The following TBC1D5 variants were observed in gnomAD, a reference collection of about 807,000 sequenced individuals.
TBC1D5 encodes TBC1 domain family, member 5.
A neutral mutation model predicts 100.3 loss-of-function variants in TBC1D5; 75 were observed. That is an observed-to-expected ratio of 0.75 (90% CI 0.62 to 0.91). The LOEUF (loss-of-function observed/expected upper bound fraction) is 0.91. Among genes scored for constraint, TBC1D5 ranks in the 40% least tolerant of loss-of-function variants. The probability of loss-of-function intolerance (pLI) is 0.00; values close to 1 mark genes in which losing one functional copy is unlikely to be tolerated. For missense variants in TBC1D5, 910 were observed against 942.4 expected, an observed-to-expected ratio of 0.97 and a Z score of 0.45; for synonymous variants, 323 against 325.6, an observed-to-expected ratio of 0.99 and a Z score of 0.09.
intron 13 of TBC1D5, 118 bp from the exon 14 acceptor site, chr3:17,308,252 C>A: frequency 1.1e-6 from 1 of 940,548 alleles, no homozygotes; most frequent in Non-Finnish European, 1.5e-6. Flanking sequence ...TATTATATAT[C>A]AAAAATATAA....
intron 1 of TBC1D5, among the ~76,000 whole-genome samples, chr3:17,734,913 T>C (rs1055847877): frequency 1.4e-5 from 2 of 142,086 alleles, no homozygotes; most frequent in African/African-American, 2.6e-5. Context: ...TAGAGAGACA[T>C]GGTCTCTACG....
At chr3:17,233,641 G>T in intron 17 of TBC1D5, 44 bp downstream of exon 18, 2 of 1,189,608 alleles carry the variant, frequency 1.7e-6, no homozygotes, top group Non-Finnish European at 2.4e-6. Flanking sequence ...TGATAATACT[G>T]TAGGCAAAGA....
At position 17,722,857 on chromosome 3, in the gene TBC1D5, G is replaced by A. The variant is rs146268805; in HGVS notation, c.-101+16486C>T. 1.6e-3 allele frequency among the ~76,000 whole-genome samples: 244 copies of A among 152,194 alleles called. 3 individuals carry two copies. Among genetic ancestry groups the A allele is most frequent in the African/African-American group, 5.5e-3 (227 of 41,502 alleles). The stretch of plus-strand genomic sequence containing the variant: ...CTCCCTTACACAAACCTTGTTCATG[G>A]ATGAAAAACACATCTCCCACTATTT... On this transcript the variant is annotated intron_variant, in intron 1 of 21. Transcript: ENST00000253692.
At chr3:17,423,523 T>C (rs2094266726) in intron 4 of TBC1D5, among the ~76,000 whole-genome samples, 1 of 152,174 alleles carries the variant, frequency 6.6e-6, no homozygotes, top group Non-Finnish European at 1.5e-5. Flanking sequence ...TTATTGGCTA[T>C]GACTTCTAAC....
intron 2 of TBC1D5, among the ~76,000 whole-genome samples, chr3:17,611,235 CAA>C (rs2153618891): frequency 1.3e-5 from 2 of 152,146 alleles, no homozygotes; most frequent in African/African-American, 4.8e-5. Flanking sequence ...TTTGACATCT[CAA>C]AGTGAAAATG....
At chr3:17,458,103 GTCT>G (rs1281260639) in intron 3 of TBC1D5, among the ~76,000 whole-genome samples, 5 of 152,262 alleles carry the variant, frequency 3.3e-5, no homozygotes, top group East Asian at 1.9e-4. Context: ...ACGGAGGAAG[GTCT>G]TCTTTGGTCT....
chr3:17,550,335 T>C (rs2096461542), intron 2 of TBC1D5, among the ~76,000 whole-genome samples: 1 of 152,198 alleles, frequency 6.6e-6, no homozygotes, highest in East Asian at 1.9e-4. Context: ...ATTACCTTGC[T>C]GATTCCTATC....
chr3:17,315,201 C>T (rs747037319), intron 13 of TBC1D5, among the ~76,000 whole-genome samples: 1 of 152,226 alleles, frequency 6.6e-6, no homozygotes, highest in African/African-American at 2.4e-5. Context: ...GGCCATCAGG[C>T]ACACATTTAA....
chr3:17,499,255 G>C (rs1032821753), intron 3 of TBC1D5, among the ~76,000 whole-genome samples: 7 of 152,130 alleles, frequency 4.6e-5, no homozygotes, highest in Non-Finnish European at 2.9e-5. Flanking sequence ...GATTATACTT[G>C]TAAGGGCCTA....
chr3:17,481,423 C>A (rs919241805), intron 3 of TBC1D5, among the ~76,000 whole-genome samples: 7 of 152,152 alleles, frequency 4.6e-5, no homozygotes, highest in African/African-American at 1.7e-4. Flanking sequence ...CACCGCCTGC[C>A]ACAGAGGTTT....
intron 2 of TBC1D5, among the ~76,000 whole-genome samples, chr3:17,583,683 C>T (rs1315112780): frequency 5.9e-5 from 9 of 152,130 alleles, no homozygotes; most frequent in African/African-American, 1.9e-4. Flanking sequence ...GCCAAGATTG[C>T]GCCACTGCAT....
chr3:17,533,558 C>A (rs2096253995), intron 2 of TBC1D5, among the ~76,000 whole-genome samples: 1 of 152,086 alleles, frequency 6.6e-6, no homozygotes, highest in Non-Finnish European at 1.5e-5. Flanking sequence ...AAAAACACTG[C>A]CTTCCTAAAA....
intron 4 of TBC1D5, among the ~76,000 whole-genome samples, chr3:17,411,673 A>C (rs1482293405): frequency 6.6e-6 from 1 of 152,158 alleles, no homozygotes; most frequent in Non-Finnish European, 1.5e-5. Context: ...TGGTGGCTAG[A>C]TTCATTGCCA....
intron 1 of TBC1D5, among the ~76,000 whole-genome samples, chr3:17,728,157 A>G (rs1577847236): frequency 6.6e-6 from 1 of 152,202 alleles, no homozygotes; most frequent in East Asian, 1.9e-4. Context: ...CACCCTAACC[A>G]AAGTCAGCAC....
chr3:17,264,774 A>G (rs1453772995), intron 15 of TBC1D5, among the ~76,000 whole-genome samples: 1 of 152,238 alleles, frequency 6.6e-6, no homozygotes, highest in Non-Finnish European at 1.5e-5. Context: ...TGACACAATG[A>G]GAACTAAGTT....
chr3:17,656,837 AT>A (rs1306993237), intron 1 of TBC1D5, among the ~76,000 whole-genome samples: 3 of 152,118 alleles, frequency 2.0e-5, no homozygotes, highest in Non-Finnish European at 4.4e-5. Context: ...GAATATATAT[AT>A]ATATAAAATG....
intron 1 of TBC1D5, among the ~76,000 whole-genome samples, chr3:17,711,465 C>T (rs2074728648): frequency 6.6e-6 from 1 of 152,006 alleles, no homozygotes; most frequent in South Asian, 2.1e-4. Flanking sequence ...AATCTTCTGC[C>T]CCCCTCATAC....
At chr3:17,257,172 T>C (rs1356691661) in intron 16 of TBC1D5, among the ~76,000 whole-genome samples, 2 of 151,168 alleles carry the variant, frequency 1.3e-5, no homozygotes, top group Non-Finnish European at 3.0e-5. Flanking sequence ...TAAAAAATAA[T>C]CTTGTGGGGG....
At chr3:17,269,040 C>A (rs756379970) in intron 15 of TBC1D5, among the ~76,000 whole-genome samples, 14 of 152,136 alleles carry the variant, frequency 9.2e-5, no homozygotes, top group Non-Finnish European at 2.1e-4. Flanking sequence ...CCCTGCCATG[C>A]CAGGATTTAA....
Sources: gnomAD v4.1 joint callset for allele counts (sites outside exome capture counted in the v4.1 genomes callset) on GRCh38, gnomAD v4.1.1 for gene constraint, MANE v1.5 for transcripts, NCBI Gene and HGNC (gene_info 2026-07-23, HGNC 2026-07-21) for gene names.